Variants in DGKB observed in about 807,000 individuals in gnomAD.
The protein encoded by DGKB is 90 kDa diacylglycerol kinase.
DGKB carries 67 observed loss-of-function variants against 114.3 expected under a neutral mutation model. That is an observed-to-expected ratio of 0.59 (90% CI 0.48 to 0.72). DGKB has a LOEUF of 0.72. Ranked by LOEUF, DGKB falls within the 30% of genes least tolerant of loss-of-function variation. The pLI is 0.00. For missense variants in DGKB, 907 were observed against 975.2 expected (o/e 0.93, Z 0.93); for synonymous variants, 398 against 323.1 (o/e 1.23, Z -2.49).
In DGKB at chr7:14,545,311, A is replaced by C. The variant is rs980575013; in HGVS notation, c.1770+28901T>G. 2.0e-5 allele frequency among the ~76,000 whole-genome samples: 3 copies of C among 152,180 alleles called. No homozygotes were observed. The East Asian group carries it at 5.8e-4, about 29-fold the overall frequency. On this transcript the variant is annotated intron_variant, in intron 20 of 25. Coordinates refer to ENST00000402815, the MANE Select transcript of DGKB (RefSeq NM_001350709.2). ...ATGAAAGTAACCTCAGATACAATTA[A>C]CTATGAGTATGAGTGTTCGACCATG...
chr7:14,652,497 A>T (rs1241800952), intron 13 of DGKB, among the ~76,000 whole-genome samples: 6 of 152,084 alleles, frequency 3.9e-5, no homozygotes. Flanking sequence ...TCAAAAATCA[A>T]TTCAAGATGG....
At chr7:14,557,190 T>G (rs1037503158) in intron 20 of DGKB, among the ~76,000 whole-genome samples, 1 of 152,260 alleles carries the variant, frequency 6.6e-6, no homozygotes, top group Non-Finnish European at 1.5e-5. Context: ...TAAGAACCAC[T>G]ATCTTAGATG....
At chr7:14,609,589 C>A (rs1182430082) in intron 16 of DGKB, among the ~76,000 whole-genome samples, 1 of 152,024 alleles carries the variant, frequency 6.6e-6, no homozygotes, top group African/African-American at 2.4e-5. Flanking sequence ...AAGTGACAAT[C>A]TGCAGAATGG....
At chr7:14,319,456 C>A (rs1474069697) in intron 23 of DGKB, among the ~76,000 whole-genome samples, 2 of 151,962 alleles carry the variant, frequency 1.3e-5, no homozygotes, top group East Asian at 3.9e-4. Flanking sequence ...TTTATAGTAA[C>A]ATGTAATAGG....
intron 21 of DGKB, among the ~76,000 whole-genome samples, chr7:14,462,329 G>A (rs966877854): frequency 6.6e-6 from 1 of 152,142 alleles, no homozygotes; most frequent in Non-Finnish European, 1.5e-5. Context: ...TCTGTTTGCA[G>A]ATGACATGAC....
intron 4 of DGKB, among the ~76,000 whole-genome samples, chr7:14,749,532 CA>C (rs1833825811): frequency 6.6e-6 from 1 of 152,054 alleles, no homozygotes; most frequent in Admixed American, 6.5e-5. Flanking sequence ...CTACTAATTA[CA>C]AAAAGCAAAT....
intron 17 of DGKB, among the ~76,000 whole-genome samples, chr7:14,585,875 C>T (rs193110027): frequency 1.3e-5 from 2 of 152,118 alleles, no homozygotes; most frequent in East Asian, 3.9e-4. Flanking sequence ...TGAACCACGC[C>T]CATGTAAGAC....
intron 1 of DGKB, among the ~76,000 whole-genome samples, chr7:14,928,823 C>T (rs1419831776): frequency 6.6e-6 from 1 of 151,828 alleles, no homozygotes; most frequent in East Asian, 1.9e-4. Context: ...ATCCATCCCC[C>T]TCCTACTCCC....
intron 4 of DGKB, among the ~76,000 whole-genome samples, chr7:14,739,886 A>G (rs1832305190): frequency 6.6e-6 from 1 of 152,048 alleles, no homozygotes; most frequent in South Asian, 2.1e-4. Flanking sequence ...CCCAACCCCA[A>G]CTGCTGCCAC....
At chr7:14,177,588 G>A (rs1781973420) in intron 24 of DGKB, among the ~76,000 whole-genome samples, 2 of 137,722 alleles carry the variant, frequency 1.5e-5, no homozygotes, top group African/African-American at 2.5e-5. Context: ...AAATTGGGGG[G>A]AAATTTTGGG....
intron 22 of DGKB, among the ~76,000 whole-genome samples, chr7:14,339,823 C>T (rs771089225): frequency 1.3e-5 from 2 of 151,734 alleles, no homozygotes; most frequent in African/African-American, 4.8e-5. Context: ...TTTACAGTGG[C>T]GTTGTTTCAT....
chr7:14,274,878 C>T (rs1240958571), intron 23 of DGKB, among the ~76,000 whole-genome samples: 1 of 151,806 alleles, frequency 6.6e-6, no homozygotes, highest in African/African-American at 2.4e-5. Context: ...CCTCTAAATC[C>T]TATCACATTG....
At chr7:14,750,797 T>C (rs899450817) in intron 4 of DGKB, among the ~76,000 whole-genome samples, 4 of 127,456 alleles carry the variant, frequency 3.1e-5, no homozygotes, top group East Asian at 2.3e-4. Flanking sequence ...CTATTTCTTT[T>C]TTTTTTTTTT....
At chr7:14,966,652 C>G (rs1164832745) in intron 1 of DGKB, among the ~76,000 whole-genome samples, 1 of 152,026 alleles carries the variant, frequency 6.6e-6, no homozygotes, top group Non-Finnish European at 1.5e-5. Context: ...GCTTGTGCTG[C>G]TTCCATTAGA....
intron 1 of DGKB, among the ~76,000 whole-genome samples, chr7:14,936,510 T>A (rs1457566814): frequency 6.6e-6 from 1 of 152,152 alleles, no homozygotes; most frequent in Non-Finnish European, 1.5e-5. Flanking sequence ...TTCTATTTCT[T>A]TACCAATCCT....
intron 20 of DGKB, among the ~76,000 whole-genome samples, chr7:14,506,511 G>A (rs1389441674): frequency 6.6e-6 from 1 of 152,062 alleles, no homozygotes; most frequent in East Asian, 1.9e-4. Context: ...GCTAACTCTG[G>A]GAACTCAAGC....
chr7:14,708,660 G>A (rs553627042), intron 6 of DGKB, among the ~76,000 whole-genome samples: 6,016 of 151,300 alleles, frequency 0.04, 183 homozygotes, highest in South Asian at 0.11. Flanking sequence ...AAATAACGCC[G>A]CATACCTACA....
At chr7:14,350,431 C>A (rs1337173790) in intron 21 of DGKB, among the ~76,000 whole-genome samples, 1 of 151,890 alleles carries the variant, frequency 6.6e-6, no homozygotes, top group African/African-American at 2.4e-5. Context: ...AGTACCAGTG[C>A]ATTTTCCGAA....
chr7:14,596,351 T>C (rs897825138), intron 17 of DGKB, among the ~76,000 whole-genome samples: 1 of 152,208 alleles, frequency 6.6e-6, no homozygotes. Context: ...CTTTGAACTT[T>C]GTACATTTCA....
Sources: allele counts gnomAD v4.1 joint callset (sites outside exome capture counted in the v4.1 genomes callset), GRCh38; gene constraint gnomAD v4.1.1; transcripts MANE v1.5; gene names NCBI Gene and HGNC (gene_info 2026-07-23, HGNC 2026-07-21).